TMEM107: variants seen among roughly 807,000 people sequenced by gnomAD.
TMEM107 encodes the protein transmembrane protein 107.
Under a neutral mutation model 16.8 loss-of-function variants are expected in TMEM107, and 18 were observed. The ratio of observed to expected loss-of-function variants is 1.07; its 90% CI spans 0.74 to 1.59. The LOEUF is 1.59. TMEM107 is among the 40% of genes most tolerant of loss of function. The pLI is 0.00. For missense variants in TMEM107, 152 were observed against 175.4 expected, an observed-to-expected ratio of 0.87 and a Z score of 0.75; for synonymous variants, 68 against 71.6, an observed-to-expected ratio of 0.95 and a Z score of 0.25.
rs746503581 is a variant in TMEM107 at position 8,173,458 on chromosome 17, G to A, written c.*745C>T. Reference sequence around the variant, plus strand: ...TGTAAGTGATCGTCAGAAAGAATCAGACAGGAGCAATCAGGGTGTTGCAAG... The same window carrying A: ...TGTAAGTGATCGTCAGAAAGAATCAAACAGGAGCAATCAGGGTGTTGCAAG... On this transcript the variant is annotated 3_prime_UTR_variant, in exon 5 of 5. Coordinates refer to ENST00000437139, the MANE Select transcript of TMEM107 (RefSeq NM_183065.4). The A allele has an allele frequency of 8.4e-5, 64 of 763,882 alleles. No homozygotes were observed. Among genetic ancestry groups the A allele is most frequent in the Middle Eastern group, 2.7e-4 (1 of 3,712 alleles). 47.3% of individuals were successfully genotyped at this position (763,882 alleles called of 1,614,324 possible).
chr17:8,173,382 C>G lies in TMEM107; in HGVS notation c.*821G>C, dbSNP rs568629548. On this transcript the variant is annotated 3_prime_UTR_variant, in exon 5 of 5. Coordinates refer to ENST00000437139, the MANE Select transcript of TMEM107 (RefSeq NM_183065.4). ...AGACAAACAGCAAGGTTATCCCAGT[C>G]AGAACTTCATAGCTATGTTTGTGGA... The G allele has an allele frequency of 5.3e-5, 36 of 681,800 alleles. 1 individual carries two copies. Among genetic ancestry groups the G allele is most frequent in the Middle Eastern group, 3.9e-4 (1 of 2,568 alleles). 42.2% of individuals were successfully genotyped at this position (681,800 alleles called of 1,614,324 possible).
rs750849287 is a variant in TMEM107, at chr17:8,173,453, A to T, written c.*750T>A. 4 of 763,150 alleles carry T rather than the reference A, an allele frequency of 5.2e-6. No homozygotes were observed. Among genetic ancestry groups the T allele is most frequent in the South Asian group, 1.3e-5 (1 of 74,420 alleles). The allele number at this position is 763,150 out of a possible 1,614,324, so 47.3% of individuals were successfully genotyped here. On this transcript the variant is annotated 3_prime_UTR_variant, in exon 5 of 5. Transcript: ENST00000437139. ...ACAAATGTAAGTGATCGTCAGAAAG[A>T]ATCAGACAGGAGCAATCAGGGTGTT...
At position 8,176,367 on chromosome 17, in the gene TMEM107, A is replaced by C; in HGVS notation, c.-81T>G. ...TCCTGAAGTCTCCCCGCAAGCCGAC[A>C]AATCTAGACGAACGCCTCCTTCCCG... is the stretch of plus-strand genomic sequence containing the variant. On this transcript the variant is annotated 5_prime_UTR_variant, in exon 1 of 5. Coordinates refer to ENST00000437139, the MANE Select transcript of TMEM107 (RefSeq NM_183065.4). The C allele has an allele frequency of 8.5e-7, 1 of 1,172,196 alleles. No individual in the cohort carries two copies. Among genetic ancestry groups the C allele is most frequent in the South Asian group, 1.4e-5 (1 of 71,940 alleles). 72.6% of individuals were successfully genotyped at this position (1,172,196 alleles called of 1,614,324 possible).
rs1555525265 is a variant in TMEM107 at position 8,172,875 on chromosome 17, AC to A, written c.*1327del. On this transcript the variant is annotated 3_prime_UTR_variant, in exon 5 of 5. Coordinates refer to ENST00000437139, the MANE Select transcript of TMEM107 (RefSeq NM_183065.4). ...TGTCTCAAAAAAAAAAAAAAAAAAAACCAAAAGAGGGGGGTGGTCAACATAC... is the reference window on the plus strand; with the variant it reads ...TGTCTCAAAAAAAAAAAAAAAAAAAACAAAAGAGGGGGGTGGTCAACATAC... Among the ~76,000 whole-genome samples, 1,686 of 87,166 alleles carry A rather than the reference AC, an allele frequency of 0.019. 139 individuals carry two copies. The highest frequency in any genetic ancestry group is 0.04 in the African/African-American group (1,226 of 30,850). 57.2% of individuals were successfully genotyped at this position (87,166 alleles called of 152,430 possible). A position where few individuals can be genotyped will look rare whatever the true frequency, so the allele number is the denominator to read the frequency against.
intron 1 of TMEM107, 70 bp downstream of exon 1, chr17:8,176,130 G>C (rs1598277634): frequency 1.4e-5 from 22 of 1,599,848 alleles, no homozygotes; most frequent in Non-Finnish European, 1.8e-5. Flanking sequence ...ACACTGGGAG[G>C]GGGCAGGGTA....
chr17:8,176,134 CAGG>C, intron 1 of TMEM107, 63 bp downstream of exon 1: 1 of 1,598,646 alleles, frequency 6.3e-7, no homozygotes, highest in African/African-American at 1.3e-5. Flanking sequence ...TGGGAGGGGG[CAGG>C]GTAGGACTAG....
intron 2 of TMEM107, 22 bp downstream of exon 2, chr17:8,175,937 C>A (rs1333453329): frequency 1.9e-6 from 3 of 1,614,222 alleles, no homozygotes; most frequent in South Asian, 2.2e-5. Context: ...TTCGTTCTGG[C>A]CACCCCGTCC....
rs538881767 is a variant in TMEM107, at chr17:8,173,860, C to A, written c.*343G>T. 2 of 487,998 alleles carry A rather than the reference C, an allele frequency of 4.1e-6. No individual in the cohort carries two copies. The highest frequency in any genetic ancestry group is 7.5e-5 in the Admixed American group (2 of 26,622). 30.2% of individuals were successfully genotyped at this position (487,998 alleles called of 1,614,324 possible). On this transcript the variant is annotated 3_prime_UTR_variant, in exon 5 of 5. Transcript: ENST00000437139. The stretch of plus-strand genomic sequence containing the variant: ...CATATCTCCGCCCACTCCCTTCCGC[C>A]AGGCACCTACCGTAGTAACCAAAAT...
At position 8,176,255 on chromosome 17, in the gene TMEM107, C is replaced by T. The variant is rs764486156; in HGVS notation, c.32G>A (p.Arg11His). Residue 11 changes from arginine (R) to histidine (H), a missense_variant, in exon 1 of 5, where the codon CGC becomes CAC. Arg to His is a conservative substitution (Grantham distance 29). Coordinates refer to ENST00000437139, the MANE Select transcript of TMEM107 (RefSeq NM_183065.4). The part of the protein sequence containing the change: MGRVSGLVPS[R>H]FLTLLAHLVV... The stretch of plus-strand genomic sequence containing the variant: ...CAGATGCGCCAGGAGCGTCAGGAAG[C>T]GAGAGGGCACAAGCCCTGAGACCCG... The T allele has an allele frequency of 2.5e-6, 4 of 1,614,070 alleles. No homozygotes were observed. Among genetic ancestry groups the T allele is most frequent in the Non-Finnish European group, 3.4e-6 (4 of 1,179,960 alleles).
At position 8,173,429 on chromosome 17, in the gene TMEM107, C is replaced by A. The variant is rs118072727; in HGVS notation, c.*774G>T. The A allele has an allele frequency of 1.3e-6, 1 of 759,308 alleles. No homozygotes were observed. The highest frequency in any genetic ancestry group is 2.4e-6 in the Non-Finnish European group (1 of 414,726). The allele number at this position is 759,308 out of a possible 1,614,324, so 47.0% of individuals were successfully genotyped here. ...TGGATATCTGCTAATCAGCATAACA[C>A]AAATGTAAGTGATCGTCAGAAAGAA... On this transcript the variant is annotated 3_prime_UTR_variant, in exon 5 of 5. Transcript: ENST00000437139.
In TMEM107 at chr17:8,173,672, A is replaced by C. The variant is rs1182302324; in HGVS notation, c.*531T>G. 3.0e-6 allele frequency: 2 copies of C among 664,116 alleles called. No individual in the cohort carries two copies. The allele number at this position is 664,116 out of a possible 1,614,324, so 41.1% of individuals were successfully genotyped here. ...GAGTTCATAACGCGCTGGTATGAGC[A>C]ATCCTATTATTTAGCGTCCTTCCAG... On this transcript the variant is annotated 3_prime_UTR_variant, in exon 5 of 5. Transcript: ENST00000437139.
Position 8,173,557 on chromosome 17 carries a change from A to C in TMEM107, c.*646T>G, listed in dbSNP as rs1193846277. The C allele has an allele frequency of 9.1e-6, 7 of 765,286 alleles. No individual in the cohort carries two copies. Among genetic ancestry groups the C allele is most frequent in the Non-Finnish European group, 4.8e-6 (2 of 418,004 alleles). The allele number at this position is 765,286 out of a possible 1,614,324, so 47.4% of individuals were successfully genotyped here. On this transcript the variant is annotated 3_prime_UTR_variant, in exon 5 of 5. Coordinates refer to ENST00000437139, the MANE Select transcript of TMEM107 (RefSeq NM_183065.4). ...CATGTTCTAATCTGCCCTCCGGAGG[A>C]GGAACAGGTAAGGATTATCCCACCT...
rs1201413781 is a variant in TMEM107, at chr17:8,175,970, C to G, written c.144G>C (p.Lys48Asn). Residue 48 changes from lysine (K) to asparagine (N), a missense_variant, in exon 2 of 5, where the codon AAG becomes AAC. Physicochemically the swap from Lys to Asn is moderately conservative, Grantham distance 94. Transcript: ENST00000437139. Reference protein sequence around the residue: ...PLTFTPEEYDKQDIQLVAALS... With the variant: ...PLTFTPEEYDNQDIQLVAALS... ...TCCCAAGAGCTCACTGAATGTCCTG[C>G]TTGTCATACTCCTCGGGGGTGAACG... 1 of 1,614,120 alleles carries G rather than the reference C, an allele frequency of 6.2e-7. No individual in the cohort carries two copies. The highest frequency in any genetic ancestry group is 8.5e-7 in the Non-Finnish European group (1 of 1,180,064).
chr17:8,173,195 G>A lies in TMEM107; in HGVS notation c.*1008C>T, dbSNP rs1983692433. 1 of 388,888 alleles carries A rather than the reference G, an allele frequency of 2.6e-6. No homozygotes were observed. Among genetic ancestry groups the A allele is most frequent in the East Asian group, 4.8e-5 (1 of 20,678 alleles). 24.1% of individuals were successfully genotyped at this position (388,888 alleles called of 1,614,324 possible). ...ACTGATGTGCAATGTTTCCTGAGAAGTGAGGATTAAAGTTATCAAACGACA... is the reference window on the plus strand; with the variant it reads ...ACTGATGTGCAATGTTTCCTGAGAAATGAGGATTAAAGTTATCAAACGACA... On this transcript the variant is annotated 3_prime_UTR_variant, in exon 5 of 5. Transcript: ENST00000437139.
At chr17:8,176,073 G>T in intron 1 of TMEM107, 47 bp from the exon 2 acceptor site, 1 of 1,612,716 alleles carries the variant, frequency 6.2e-7, no homozygotes, top group Non-Finnish European at 8.5e-7. Context: ...GCAGGCTGCA[G>T]GGCAGGCCTG....
rs1983688998 is a variant in TMEM107, at chr17:8,173,173, G to T, written c.*1030C>A. 1 of 356,834 alleles carries T rather than the reference G, an allele frequency of 2.8e-6. No individual in the cohort carries two copies. The highest frequency in any genetic ancestry group is 3.0e-5 in the South Asian group (1 of 32,796). 22.1% of individuals were successfully genotyped at this position (356,834 alleles called of 1,614,324 possible). On this transcript the variant is annotated 3_prime_UTR_variant, in exon 5 of 5. Transcript: ENST00000437139. ...GTGCACAAGACTGCAGATATTTACT[G>T]ATGTGCAATGTTTCCTGAGAAGTGA...
chr17:8,173,518 G>T lies in TMEM107; in HGVS notation c.*685C>A, dbSNP rs139357518. The T allele has an allele frequency of 2.4e-5, 18 of 765,268 alleles. No homozygotes were observed. Among genetic ancestry groups the T allele is most frequent in the Non-Finnish European group, 3.6e-5 (15 of 418,036 alleles). 47.4% of individuals were successfully genotyped at this position (765,268 alleles called of 1,614,324 possible). On this transcript the variant is annotated 3_prime_UTR_variant, in exon 5 of 5. Transcript: ENST00000437139. ...CGCAGAGACGTTAATCACGTTTCAT[G>T]CATCTCCAATCATCATGTTCTAATC...
Position 8,173,237 on chromosome 17 carries a change from T to G in TMEM107, c.*966A>C, listed in dbSNP as rs536096095. 2.1e-6 allele frequency: 1 copy of G among 480,132 alleles called. No individual in the cohort carries two copies. Among genetic ancestry groups the G allele is most frequent in the African/African-American group, 2.0e-5 (1 of 51,044 alleles). 29.7% of individuals were successfully genotyped at this position (480,132 alleles called of 1,614,324 possible). A position where few individuals can be genotyped will look rare whatever the true frequency, so the allele number is the denominator to read the frequency against. ...CAAACGACAAAAAACAAAGAGCCCA[T>G]TTGTATTATTTCACTGCCTAAATTC... On this transcript the variant is annotated 3_prime_UTR_variant, in exon 5 of 5. Transcript: ENST00000437139.
At chr17:8,174,350 A>C in intron 4 of TMEM107, 78 bp from the exon 5 acceptor site, 2 of 1,428,552 alleles carry the variant, frequency 1.4e-6, no homozygotes, top group Admixed American at 1.7e-5. Flanking sequence ...CCCACCTCTG[A>C]AAGTGTAGGG....
Sources: allele counts gnomAD v4.1 joint callset (sites outside exome capture counted in the v4.1 genomes callset), GRCh38; gene constraint gnomAD v4.1.1; transcripts MANE v1.5; gene names NCBI Gene and HGNC (gene_info 2026-07-23, HGNC 2026-07-21).